The following MTUS1 variants were observed in gnomAD, a reference collection of about 807,000 sequenced individuals.
MTUS1 encodes the protein microtubule associated scaffold protein 1.
A neutral mutation model predicts 120.8 loss-of-function variants in MTUS1; 109 were observed. That is an observed-to-expected ratio of 0.90 (90% CI 0.77 to 1.06). The LOEUF is 1.06. Among genes scored for constraint, MTUS1 ranks in the 50% least tolerant of loss-of-function variants. The probability of loss-of-function intolerance (pLI) is 0.00; values close to 1 mark genes in which losing one functional copy is unlikely to be tolerated. For missense variants in MTUS1, 2,210 were observed against 1,486.3 expected, an observed-to-expected ratio of 1.49 and a Z score of -8.01; for synonymous variants, 737 against 550.5, an observed-to-expected ratio of 1.34 and a Z score of -4.74.
At chr8:17,676,321 G>A (rs1261409542) in intron 7 of MTUS1, 2 of 703,022 alleles carry the variant, frequency 2.8e-6, no homozygotes, top group Admixed American at 4.0e-5. Flanking sequence ...TGCTGCTGGG[G>A]CAGCCCATTT....
Position 17,724,488 on chromosome 8 carries a change from ATT to A in MTUS1, c.2288-657_2288-656del, listed in dbSNP as rs201998569. On this transcript the variant is annotated intron_variant, in intron 3 of 14. Coordinates refer to ENST00000693296, the MANE Select transcript of MTUS1 (RefSeq NM_001363059.2). ...CACCAGGTGGTGCTATACTATTAAG[ATT>A]TTTTTTTTTAATCTCACCTTTTCTT... 5.6e-4 allele frequency among the ~76,000 whole-genome samples: 83 copies of A among 149,508 alleles called. 1 individual carries two copies. Among genetic ancestry groups the A allele is most frequent in the African/African-American group, 2.0e-3 (81 of 40,896 alleles).
intron 3 of MTUS1, 166 bp from the exon 4 acceptor site, chr8:17,723,999 A>C: frequency 1.6e-6 from 1 of 615,072 alleles, no homozygotes; most frequent in Non-Finnish European, 2.8e-6. Flanking sequence ...TCACGCAGAC[A>C]TGTTTATTTT....
At chr8:17,732,016 C>G (rs933894612) in intron 3 of MTUS1, among the ~76,000 whole-genome samples, 2 of 152,226 alleles carry the variant, frequency 1.3e-5, no homozygotes, top group African/African-American at 2.4e-5. Context: ...GGAGCTGCTG[C>G]ATGGGTGTCC....
chr8:17,673,009 G>C (rs1221743691), intron 8 of MTUS1, among the ~76,000 whole-genome samples: 2 of 152,224 alleles, frequency 1.3e-5, no homozygotes, highest in East Asian at 3.9e-4. Context: ...TCTTCGGAGA[G>C]AGGCTGAAAT....
upstream of MTUS1, chr8:17,801,255 C>A (rs1454503834): frequency 6.6e-6 from 1 of 151,470 alleles, no homozygotes; most frequent in Admixed American, 6.6e-5. Flanking sequence ...CCGGCCTCCC[C>A]GCCTCCCCGC....
chr8:17,748,178 G>C (rs573966100), intron 2 of MTUS1: 1 of 152,346 alleles, frequency 6.6e-6, no homozygotes, highest in East Asian at 1.9e-4. Flanking sequence ...GCTAAGCAGG[G>C]TCAGGCCTGG....
chr8:17,777,305 T>C (rs2050524339), intron 1 of MTUS1, among the ~76,000 whole-genome samples: 1 of 151,906 alleles, frequency 6.6e-6, no homozygotes, highest in South Asian at 2.1e-4. Context: ...CCAGACATGG[T>C]GGCGCACACC....
At chr8:17,787,632 C>T (rs1331385122) in intron 1 of MTUS1, among the ~76,000 whole-genome samples, 1 of 152,200 alleles carries the variant, frequency 6.6e-6, no homozygotes, top group East Asian at 1.9e-4. Flanking sequence ...TATTCTTCGC[C>T]TCATTTTCCT....
intron 8 of MTUS1, among the ~76,000 whole-genome samples, chr8:17,665,636 C>G (rs992053781): frequency 9.9e-5 from 15 of 152,158 alleles, no homozygotes; most frequent in Non-Finnish European, 2.2e-4. Context: ...GCTGGAATTA[C>G]TGGCTTGAGC....
At chr8:17,785,487 T>A (rs775784068) in intron 1 of MTUS1, among the ~76,000 whole-genome samples, 2 of 152,198 alleles carry the variant, frequency 1.3e-5, no homozygotes, top group African/African-American at 4.8e-5. Flanking sequence ...AGCTTTAATT[T>A]TGCCAAGAGG....
chr8:17,731,967 G>C (rs988184745), intron 3 of MTUS1, among the ~76,000 whole-genome samples: 1 of 152,184 alleles, frequency 6.6e-6, no homozygotes, highest in African/African-American at 2.4e-5. Context: ...GCCAGATCTG[G>C]TCTGTACCCA....
rs115762978 is a variant in MTUS1, at chr8:17,766,512, T to C, written c.-154-10551A>G. Among the ~76,000 whole-genome samples the C allele has an allele frequency of 9.5e-3, 1,442 of 152,332 alleles. 33 individuals are homozygous for C. The highest frequency in any genetic ancestry group is 0.033 in the African/African-American group (1,384 of 41,560). ...GGGAGTTATTTTTCTTTTAGACATT[T>C]GCAGATCTTATCTGAAGGTGACTAA... On this transcript the variant is annotated intron_variant, in intron 1 of 14. Coordinates refer to ENST00000693296, the MANE Select transcript of MTUS1 (RefSeq NM_001363059.2).
intron 1 of MTUS1, among the ~76,000 whole-genome samples, chr8:17,777,195 G>A (rs1330330923): frequency 1.3e-5 from 2 of 152,112 alleles, no homozygotes; most frequent in Non-Finnish European, 2.9e-5. Context: ...CCAGCACTTT[G>A]GGAGGTCAAG....
intron 4 of MTUS1, chr8:17,721,765 C>T: frequency 6.2e-7 from 1 of 1,613,996 alleles, no homozygotes; most frequent in Non-Finnish European, 8.5e-7. Flanking sequence ...GCTGTACGAT[C>T]CCACGACCAG....
intron 8 of MTUS1, among the ~76,000 whole-genome samples, chr8:17,671,009 T>C (rs1811907224): frequency 6.6e-6 from 1 of 152,130 alleles, no homozygotes; most frequent in Admixed American, 6.5e-5. Flanking sequence ...CACTGTGAAA[T>C]GGCATGAGGG....
Position 17,765,006 on chromosome 8 carries a change from C to G in MTUS1, c.-154-9045G>C, listed in dbSNP as rs1446168528. Among the ~76,000 whole-genome samples, 3 of 152,212 alleles carry G rather than the reference C, an allele frequency of 2.0e-5. No individual in the cohort carries two copies. The East Asian group carries it at 5.8e-4, about 29-fold the overall frequency. On this transcript the variant is annotated intron_variant, in intron 1 of 14. Coordinates refer to ENST00000693296, the MANE Select transcript of MTUS1 (RefSeq NM_001363059.2). ...TCATAACGTAGAATCAGTGGGAGCC[C>G]TCAGTTTGTTTTCCTGTAAGTAGAC...
chr8:17,776,819 C>G (rs914841068), intron 1 of MTUS1, among the ~76,000 whole-genome samples: 1 of 151,576 alleles, frequency 6.6e-6, no homozygotes, highest in Non-Finnish European at 1.5e-5. Flanking sequence ...TATTTAATCA[C>G]TATTAACAAC....
intron 8 of MTUS1, chr8:17,674,375 G>C (rs567143541): frequency 1.4e-6 from 1 of 729,028 alleles, no homozygotes; most frequent in Non-Finnish European, 1.7e-6. Context: ...AGTCGAGATC[G>C]CACCACTGCA....
chr8:17,693,227 C>T (rs1050018176), intron 6 of MTUS1: 3 of 152,158 alleles, frequency 2.0e-5, no homozygotes, highest in African/African-American at 4.8e-5. Context: ...GAGTTTAATA[C>T]TTTGGTAAAA....
Sources: allele counts gnomAD v4.1 joint callset (sites outside exome capture counted in the v4.1 genomes callset), GRCh38; gene constraint gnomAD v4.1.1; transcripts MANE v1.5; gene names NCBI Gene and HGNC (gene_info 2026-07-23, HGNC 2026-07-21).